Variants in AGMO observed in about 807,000 individuals in gnomAD.
AGMO encodes the protein alkylglycerol monooxygenase, also known as glyceryl-ether monooxygenase.
A neutral mutation model predicts 60.2 loss-of-function variants in AGMO; 75 were observed. The ratio of observed to expected loss-of-function variants is 1.25; its 90% confidence interval spans 1.03 to 1.51. AGMO has a LOEUF of 1.51. AGMO is among the 40% of genes most tolerant of loss of function. AGMO has a pLI of 0.00. For synonymous variants in AGMO, 261 were observed against 177.1 expected (o/e 1.47, Z -3.76); for missense variants, 763 against 525.5 (o/e 1.45, Z -4.42).
intron 12 of AGMO, among the ~76,000 whole-genome samples, chr7:15,280,887 GTAGA>G (rs1299995319): frequency 6.6e-6 from 1 of 152,188 alleles, no homozygotes; most frequent in Non-Finnish European, 1.5e-5. Context: ...GATCTCTAAT[GTAGA>G]TAGAGTCTAC....
the AGMO span, among the ~76,000 whole-genome samples, chr7:15,171,060 C>T: frequency 6.6e-6 from 1 of 152,088 alleles, no homozygotes; most frequent in East Asian, 1.9e-4. Context: ...ACTGAAAGCT[C>T]CGTCTCCCAG....
intron 12 of AGMO, among the ~76,000 whole-genome samples, chr7:15,344,115 T>C (rs1210735698): frequency 6.6e-6 from 1 of 152,194 alleles, no homozygotes; most frequent in Non-Finnish European, 1.5e-5. Flanking sequence ...AATTTCTTGA[T>C]TACTCATTTA....
rs145850462 is a variant in AGMO at position 15,359,993 on chromosome 7, T to C, written c.1263+5521A>G. The stretch of plus-strand genomic sequence containing the variant: ...TGCCCTACAGCCTGTGCTTTTATTA[T>C]ATTCTCAGTAGTAATTATAGGAGTG... On this transcript the variant is annotated intron_variant, in intron 12 of 12. Transcript: ENST00000342526. Among the ~76,000 whole-genome samples, 150 of 152,344 alleles carry C rather than the reference T, an allele frequency of 9.8e-4. No homozygotes were observed. In the Middle Eastern group the frequency reaches 0.01, roughly 10 times the overall value.
intron 2 of AGMO, among the ~76,000 whole-genome samples, chr7:15,546,773 G>C (rs1474586898): frequency 2.0e-5 from 3 of 152,250 alleles, no homozygotes; most frequent in African/African-American, 7.2e-5. Flanking sequence ...GCTAGTCAAA[G>C]TAGGCGGTGA....
At chr7:15,518,794 A>G (rs890553951) in intron 3 of AGMO, among the ~76,000 whole-genome samples, 3 of 152,058 alleles carry the variant, frequency 2.0e-5, no homozygotes, top group African/African-American at 7.2e-5. Context: ...CAGCAAGGAA[A>G]CAAAACTGGA....
intron 12 of AGMO, among the ~76,000 whole-genome samples, chr7:15,266,151 T>C (rs917173772): frequency 6.6e-6 from 1 of 151,938 alleles, no homozygotes; most frequent in South Asian, 2.1e-4. Context: ...GGAGTTATTG[T>C]TTAATAGGTA....
At chr7:15,395,627 C>A (rs1784341835) in intron 5 of AGMO, among the ~76,000 whole-genome samples, 1 of 152,098 alleles carries the variant, frequency 6.6e-6, no homozygotes, top group Non-Finnish European at 1.5e-5. Flanking sequence ...AAAAGGACAA[C>A]TGATGCAAAT....
chr7:15,433,626 T>C (rs1015010800), intron 3 of AGMO, among the ~76,000 whole-genome samples: 1 of 152,118 alleles, frequency 6.6e-6, no homozygotes, highest in South Asian at 2.1e-4. Flanking sequence ...TGATGAATTA[T>C]CTGTTTTAAG....
In AGMO at chr7:15,390,924, G is replaced by T. The variant is rs960494952; in HGVS notation, c.677-19C>A. ...TTTCTGCCTATGAGACAAAATATTA[G>T]AAATTTTTTTTCAGAAAAATAGTTA... On this transcript the variant is annotated intron_variant, in intron 6 of 12. Coordinates refer to ENST00000342526, the MANE Select transcript of AGMO (RefSeq NM_001004320.2). The T allele has an allele frequency of 6.6e-7, 1 of 1,521,974 alleles. No individual in the cohort carries two copies. Among genetic ancestry groups the T allele is most frequent in the East Asian group, 2.3e-5 (1 of 43,868 alleles). 94.3% of individuals were successfully genotyped at this position (1,521,974 alleles called of 1,614,324 possible).
rs191124098 is a variant in AGMO, at chr7:15,529,811, A to C, written c.409+14961T>G. Among the ~76,000 whole-genome samples the C allele has an allele frequency of 2.4e-4, 10 of 41,132 alleles. 3 individuals are homozygous for C. Among genetic ancestry groups the C allele is most frequent in the African/African-American group, 1.2e-3 (8 of 6,586 alleles). 27.0% of individuals were successfully genotyped at this position (41,132 alleles called of 152,430 possible). On this transcript the variant is annotated intron_variant, in intron 3 of 12. Coordinates refer to ENST00000342526, the MANE Select transcript of AGMO (RefSeq NM_001004320.2). ...ATATATTTCTCTATATATATATTCT[A>C]TATATATATTTCCATATATATTCTA...
the AGMO span, among the ~76,000 whole-genome samples, chr7:15,173,737 A>G: frequency 6.6e-6 from 1 of 151,836 alleles, no homozygotes; most frequent in African/African-American, 2.4e-5. Flanking sequence ...AAGTTTACAA[A>G]TTTCCTTATT....
At chr7:15,202,083 G>A (rs1022944975) in intron 12 of AGMO, among the ~76,000 whole-genome samples, 50 of 152,002 alleles carry the variant, frequency 3.3e-4, no homozygotes, top group African/African-American at 1.2e-3. Flanking sequence ...CATTTTAGGT[G>A]GTTGGGTAAC....
At chr7:15,192,461 T>G in the AGMO span, among the ~76,000 whole-genome samples, 2 of 151,862 alleles carry the variant, frequency 1.3e-5, no homozygotes, top group African/African-American at 4.8e-5. Context: ...TCCCACTCTA[T>G]CTCCTTTCTA....
intron 10 of AGMO, among the ~76,000 whole-genome samples, chr7:15,375,197 C>T (rs1432310033): frequency 6.6e-6 from 1 of 151,946 alleles, no homozygotes; most frequent in Non-Finnish European, 1.5e-5. Flanking sequence ...TTTGTGGGAG[C>T]CACTCTGAAT....
the AGMO span, among the ~76,000 whole-genome samples, chr7:15,172,968 A>T: frequency 2.0e-5 from 3 of 152,190 alleles, no homozygotes; most frequent in Admixed American, 2.0e-4. Context: ...CTCAAAGATA[A>T]GGGCTTCTCA....
chr7:15,511,795 T>C (rs534691981), intron 3 of AGMO, among the ~76,000 whole-genome samples: 2 of 152,240 alleles, frequency 1.3e-5, no homozygotes, highest in South Asian at 4.1e-4. Context: ...AAATTCTTTT[T>C]AATTAACTTA....
At chr7:15,545,036 C>G (rs74653508) in intron 2 of AGMO, 113 bp from the exon 3 acceptor site, 9 of 717,456 alleles carry the variant, frequency 1.3e-5, no homozygotes, top group Middle Eastern at 4.6e-4. Context: ...AAATGAAACT[C>G]TTTCTTCTAC....
intron 12 of AGMO, among the ~76,000 whole-genome samples, chr7:15,364,133 A>G (rs1336872277): frequency 6.6e-6 from 1 of 151,928 alleles, no homozygotes; most frequent in Admixed American, 6.6e-5. Flanking sequence ...TTATATATAT[A>G]ATGTGTATAT....
chr7:15,285,816 A>T (rs1042085638), intron 12 of AGMO, among the ~76,000 whole-genome samples: 2 of 152,190 alleles, frequency 1.3e-5, no homozygotes, highest in African/African-American at 4.8e-5. Context: ...CCCGACTTCA[A>T]ATGATACTAC....
Sources: gnomAD v4.1 joint callset for allele counts (sites outside exome capture counted in the v4.1 genomes callset) on GRCh38, gnomAD v4.1.1 for gene constraint, MANE v1.5 for transcripts, NCBI Gene and HGNC (gene_info 2026-07-23, HGNC 2026-07-21) for gene names.